Variants in NCK1 observed in about 807,000 individuals in gnomAD.
NCK1 encodes SH2/SH3 adapter protein NCK1.
Under a neutral mutation model 36.6 loss-of-function variants are expected in NCK1, and 19 were observed. The ratio of observed to expected loss-of-function variants is 0.52; its 90% CI spans 0.36 to 0.76. The LOEUF (loss-of-function observed/expected upper bound fraction) is 0.76, where lower values mean the gene tolerates loss of function less well. Ranked by LOEUF, NCK1 falls within the 30% of genes least tolerant of loss-of-function variation. The probability of loss-of-function intolerance (pLI) is 0.00; values close to 1 mark genes in which losing one functional copy is unlikely to be tolerated. For missense variants in NCK1, 358 were observed against 445.6 expected, an observed-to-expected ratio of 0.80 and a Z score of 1.77; for synonymous variants, 165 against 156.0, an observed-to-expected ratio of 1.06 and a Z score of -0.43.
chr3:136,936,159 G>C (rs1008176006), intron 2 of NCK1, among the ~76,000 whole-genome samples: 1 of 151,130 alleles, frequency 6.6e-6, no homozygotes, highest in African/African-American at 2.4e-5. Context: ...TCCTGCCTCA[G>C]CCTCCCAAGT....
At position 136,877,578 on chromosome 3, in the gene NCK1, A is replaced by G. The variant is rs548267560; in HGVS notation, c.-19+15225A>G. ...ATAAAGATGGCTGAGTGAAAGACAC[A>G]TTTACTTTTACTCCCTTTGATAGCC... On this transcript the variant is annotated intron_variant, in intron 1 of 3. Transcript: ENST00000481752. Among the ~76,000 whole-genome samples, 8 of 152,336 alleles carry G rather than the reference A, an allele frequency of 5.3e-5. No individual in the cohort carries two copies. In the South Asian group the frequency reaches 1.0e-3, roughly 20 times the overall value.
At chr3:136,877,920 A>T (rs899661191) in intron 1 of NCK1, among the ~76,000 whole-genome samples, 1 of 152,154 alleles carries the variant, frequency 6.6e-6, no homozygotes, top group Admixed American at 6.5e-5. Flanking sequence ...AGCAACTCAG[A>T]TGTCCATCAG....
Position 136,948,417 on chromosome 3 carries a change from A to T in NCK1, c.1098A>T (p.Gln366His). The T allele has an allele frequency of 6.2e-7, 1 of 1,612,902 alleles. No individual in the cohort carries two copies. Residue 366 changes from glutamine (Q) to histidine (H), a missense_variant, in exon 4 of 4, where the codon CAA becomes CAT. By Grantham distance (24) the Gln-to-His change is conservative (BLOSUM62 0). Coordinates refer to ENST00000481752, the MANE Select transcript of NCK1 (RefSeq NM_001291999.2). ...YKKAPIFTSE[Q>H]GEKLYLVKHL... ...AGGCACCAATTTTTACAAGTGAACA[A>T]GGAGAAAAATTATATCTTGTCAAGC...
chr3:136,910,541 A>G (rs1044248142), intron 1 of NCK1, among the ~76,000 whole-genome samples: 2 of 152,196 alleles, frequency 1.3e-5, no homozygotes, highest in South Asian at 2.1e-4. Context: ...ATACTTGCCC[A>G]TGCATTTACT....
chr3:136,923,827 A>T (rs1940175720), intron 1 of NCK1, among the ~76,000 whole-genome samples: 1 of 152,196 alleles, frequency 6.6e-6, no homozygotes, highest in Non-Finnish European at 1.5e-5. Flanking sequence ...AAACAATTAC[A>T]TTTTAAAAAG....
At chr3:136,883,635 A>G (rs1005762863) in intron 1 of NCK1, among the ~76,000 whole-genome samples, 3 of 152,196 alleles carry the variant, frequency 2.0e-5, no homozygotes, top group African/African-American at 7.2e-5. Flanking sequence ...GTATCCCTGC[A>G]TTAATTGGCC....
At chr3:136,916,826 T>G (rs1939978431) in intron 1 of NCK1, among the ~76,000 whole-genome samples, 1 of 152,160 alleles carries the variant, frequency 6.6e-6, no homozygotes, top group African/African-American at 2.4e-5. Context: ...CCAGTTCAAT[T>G]CCCTTATTTT....
intron 1 of NCK1, among the ~76,000 whole-genome samples, chr3:136,880,965 T>G (rs1305344776): frequency 1.3e-5 from 2 of 152,162 alleles, no homozygotes; most frequent in African/African-American, 4.8e-5. Context: ...CTTTCTGCGC[T>G]CTACCCTACA....
chr3:136,928,965 C>T (rs3856623), intron 2 of NCK1, among the ~76,000 whole-genome samples: 103,741 of 151,944 alleles, frequency 0.68, 35,681 homozygotes, highest in East Asian at 0.87. Flanking sequence ...ATGCTATTTG[C>T]GTAATTGTTC....
At chr3:136,899,156 A>T (rs9824147) in intron 1 of NCK1, 7,237 of 205,798 alleles carry the variant, frequency 0.035, 159 homozygotes, top group East Asian at 0.11. Flanking sequence ...GACTTCATGG[A>T]CACTCCTGCC....
At position 136,945,943 on chromosome 3, in the gene NCK1, A is replaced by T; in HGVS notation, c.587A>T (p.Gln196Leu). 6.2e-7 allele frequency: 1 copy of T among 1,614,116 alleles called. No homozygotes were observed. Among genetic ancestry groups the T allele is most frequent in the Non-Finnish European group, 8.5e-7 (1 of 1,179,992 alleles). Residue 196 changes from glutamine to leucine, a missense_variant, in exon 3 of 4, where the codon CAG (glutamine) becomes CTG (leucine). Around this residue, in one of 3 missense-constraint regions of NCK1, gnomAD observed 207 missense variants for 253.4 expected, o/e 0.82. Coordinates refer to ENST00000481752, the MANE Select transcript of NCK1 (RefSeq NM_001291999.2). ...ACTGGGCAAGTGTTGCATGTGGTAC[A>T]GGCTCTTTACCCATTCAGCTCATCT... Reference protein sequence around the residue: ...LNTGQVLHVVQALYPFSSSND... With the variant: ...LNTGQVLHVVLALYPFSSSND...
chr3:136,875,943 A>G (rs1257837481), intron 1 of NCK1, among the ~76,000 whole-genome samples: 1 of 152,180 alleles, frequency 6.6e-6, no homozygotes, highest in Non-Finnish European at 1.5e-5. Context: ...CAGAAATTAT[A>G]ACAAACTATC....
intron 1 of NCK1, among the ~76,000 whole-genome samples, chr3:136,925,429 G>A (rs944539859): frequency 6.6e-6 from 1 of 152,090 alleles, no homozygotes; most frequent in Non-Finnish European, 1.5e-5. Flanking sequence ...TCCTCCAGTG[G>A]CAATACATCT....
At chr3:136,943,845 G>A (rs1940738296) in intron 2 of NCK1, among the ~76,000 whole-genome samples, 1 of 152,154 alleles carries the variant, frequency 6.6e-6, no homozygotes, top group South Asian at 2.1e-4. Flanking sequence ...CAGGTTGGGA[G>A]GGAAAATAAG....
chr3:136,904,353 A>G (rs1208964124), intron 1 of NCK1, among the ~76,000 whole-genome samples: 4 of 151,964 alleles, frequency 2.6e-5, no homozygotes, highest in Admixed American at 6.6e-5. Flanking sequence ...GGGTTTCACT[A>G]TGTTGGCCAG....
chr3:136,906,434 G>A (rs970467498), intron 1 of NCK1, among the ~76,000 whole-genome samples: 3 of 152,150 alleles, frequency 2.0e-5, no homozygotes, highest in African/African-American at 7.2e-5. Flanking sequence ...GCTGAGGTCT[G>A]GGTTGCCAAG....
intron 1 of NCK1, among the ~76,000 whole-genome samples, chr3:136,905,494 C>T (rs1939660017): frequency 6.6e-6 from 1 of 151,716 alleles, no homozygotes; most frequent in Non-Finnish European, 1.5e-5. Flanking sequence ...CTCAGGTGAT[C>T]TGCCTGCCTC....
At chr3:136,937,387 C>T (rs1043212744) in intron 2 of NCK1, among the ~76,000 whole-genome samples, 1 of 152,180 alleles carries the variant, frequency 6.6e-6, no homozygotes, top group African/African-American at 2.4e-5. Context: ...GTTTTGAAAT[C>T]AGAAAGGGAG....
chr3:136,880,031 T>TC (rs1218531770), intron 1 of NCK1, among the ~76,000 whole-genome samples: 1 of 133,004 alleles, frequency 7.5e-6, no homozygotes, highest in Non-Finnish European at 1.6e-5. Context: ...ACGCCTGTAA[T>TC]CCCAGCACTT....
Sources: allele counts gnomAD v4.1 joint callset (sites outside exome capture counted in the v4.1 genomes callset), GRCh38; gene constraint gnomAD v4.1.1; regional missense constraint gnomAD v4.1.1; transcripts MANE v1.5; gene names NCBI Gene and HGNC (gene_info 2026-07-23, HGNC 2026-07-21).